The following LHFPL6 variants were observed in gnomAD, a reference collection of about 807,000 sequenced individuals.
The protein encoded by LHFPL6 is LHFPL tetraspan subfamily member 6 protein.
LHFPL6 carries 9 observed loss-of-function variants against 20.6 expected under a neutral mutation model. That is an observed-to-expected ratio of 0.44 (90% CI 0.26 to 0.76). The LOEUF (loss-of-function observed/expected upper bound fraction) is 0.76, where lower values mean the gene tolerates loss of function less well. Ranked by LOEUF, LHFPL6 falls within the 30% of genes least tolerant of loss-of-function variation. LHFPL6 has a pLI of 0.20. For synonymous variants in LHFPL6, 105 were observed against 98.7 expected (o/e 1.06, Z -0.38); for missense variants, 218 against 253.5 (o/e 0.86, Z 0.95).
intron 2 of LHFPL6, among the ~76,000 whole-genome samples, chr13:39,555,627 T>C (rs1478251587): frequency 1.3e-5 from 2 of 152,112 alleles, no homozygotes; most frequent in South Asian, 2.1e-4. Flanking sequence ...TAAACATAAG[T>C]GAAGGCAAGA....
At chr13:39,387,143 A>T (rs188539759) in intron 2 of LHFPL6, among the ~76,000 whole-genome samples, 1 of 152,340 alleles carries the variant, frequency 6.6e-6, no homozygotes, top group African/African-American at 2.4e-5. Context: ...TCACTCATTC[A>T]CAATATTTGT....
chr13:39,420,018 G>A (rs1871440607), intron 2 of LHFPL6, among the ~76,000 whole-genome samples: 1 of 152,152 alleles, frequency 6.6e-6, no homozygotes, highest in Non-Finnish European at 1.5e-5. Context: ...CAGCCTGTGT[G>A]TTCCTAGAAG....
chr13:39,568,353 G>A (rs1871796161), intron 2 of LHFPL6, among the ~76,000 whole-genome samples: 1 of 151,768 alleles, frequency 6.6e-6, no homozygotes, highest in African/African-American at 2.4e-5. Context: ...TGAATATTGG[G>A]TGAGCTTGCA....
intron 2 of LHFPL6, among the ~76,000 whole-genome samples, chr13:39,543,110 T>C (rs974890085): frequency 2.6e-5 from 4 of 152,226 alleles, no homozygotes; most frequent in Admixed American, 6.5e-5. Flanking sequence ...TGAAACCATA[T>C]GATATTTGTC....
chr13:39,458,280 C>T (rs1872615143), intron 2 of LHFPL6, among the ~76,000 whole-genome samples: 1 of 151,872 alleles, frequency 6.6e-6, no homozygotes. Context: ...CAAAACAAAG[C>T]AAAATAGTAG....
chr13:39,498,922 G>A (rs531952383), intron 2 of LHFPL6, among the ~76,000 whole-genome samples: 27 of 151,978 alleles, frequency 1.8e-4, no homozygotes, highest in African/African-American at 4.1e-4. Context: ...GTGCAGTGAC[G>A]CGATCTCAGC....
intron 2 of LHFPL6, among the ~76,000 whole-genome samples, chr13:39,453,131 T>C (rs887305298): frequency 6.6e-6 from 1 of 152,216 alleles, no homozygotes; most frequent in African/African-American, 2.4e-5. Flanking sequence ...CCGTTCTTTT[T>C]TTGGCCTTAC....
intron 2 of LHFPL6, among the ~76,000 whole-genome samples, chr13:39,519,539 G>C (rs1343306824): frequency 6.6e-6 from 1 of 152,120 alleles, no homozygotes; most frequent in Non-Finnish European, 1.5e-5. Context: ...AATTAGACCA[G>C]GGAAATGATC....
At chr13:39,423,631 G>A (rs568932983) in intron 2 of LHFPL6, among the ~76,000 whole-genome samples, 3 of 152,106 alleles carry the variant, frequency 2.0e-5, no homozygotes, top group Non-Finnish European at 4.4e-5. Flanking sequence ...ACACACAAAG[G>A]ATACATGAGA....
chr13:39,450,523 C>A (rs911557945), intron 2 of LHFPL6, among the ~76,000 whole-genome samples: 1 of 152,052 alleles, frequency 6.6e-6, no homozygotes, highest in Admixed American at 6.6e-5. Flanking sequence ...TGTGAGATAT[C>A]TACCTAGATA....
At chr13:39,420,391 A>G (rs76239288) in intron 2 of LHFPL6, among the ~76,000 whole-genome samples, 2,788 of 152,270 alleles carry the variant, frequency 0.018, 81 homozygotes, top group African/African-American at 0.063. Context: ...ATGGGGGAGA[A>G]ATAGTAAGAC....
chr13:39,511,311 C>A (rs115652457), intron 2 of LHFPL6, among the ~76,000 whole-genome samples: 2 of 151,882 alleles, frequency 1.3e-5, no homozygotes, highest in Non-Finnish European at 2.9e-5. Flanking sequence ...TAAAGTAATA[C>A]AATATTATAC....
At chr13:39,449,833 C>CAA (rs34024514) in intron 2 of LHFPL6, among the ~76,000 whole-genome samples, 7 of 133,388 alleles carry the variant, frequency 5.2e-5, no homozygotes, top group Admixed American at 1.5e-4. Flanking sequence ...CTGAAAGTAG[C>CAA]AAAAAAAAAA....
chr13:39,478,469 T>C (rs1162457429), intron 2 of LHFPL6, among the ~76,000 whole-genome samples: 1 of 152,330 alleles, frequency 6.6e-6, no homozygotes, highest in Middle Eastern at 3.4e-3. Flanking sequence ...ATGGATATAG[T>C]GTCTCTCTTA....
chr13:39,502,516 GA>G (rs1486852627), intron 2 of LHFPL6, among the ~76,000 whole-genome samples: 1 of 151,566 alleles, frequency 6.6e-6, no homozygotes, highest in African/African-American at 2.4e-5. Flanking sequence ...AGCTACTCAG[GA>G]GGCTGAGGTG....
Position 39,555,671 on chromosome 13 carries a change from A to G in LHFPL6, c.385+45161T>C, listed in dbSNP as rs192102645. ...AACAAAAATTTAAGTATTAAATTAT[A>G]CATAGCATATAACACGTTTATAAAG... On this transcript the variant is annotated intron_variant, in intron 2 of 3. Transcript: ENST00000379589. Among the ~76,000 whole-genome samples the G allele has an allele frequency of 1.8e-3, 267 of 152,358 alleles. 2 individuals carry two copies. Among genetic ancestry groups the G allele is most frequent in the Non-Finnish European group, 2.2e-4 (15 of 68,038 alleles).
chr13:39,479,847 A>G (rs1218384965), intron 2 of LHFPL6, among the ~76,000 whole-genome samples: 1 of 152,206 alleles, frequency 6.6e-6, no homozygotes, highest in Non-Finnish European at 1.5e-5. Flanking sequence ...ATCAACATTG[A>G]CAGTCTCCAA....
chr13:39,521,707 A>G (rs571681465), intron 2 of LHFPL6, among the ~76,000 whole-genome samples: 1 of 152,262 alleles, frequency 6.6e-6, no homozygotes, highest in African/African-American at 2.4e-5. Context: ...GTCACGATAA[A>G]GAGTCATTAT....
intron 2 of LHFPL6, among the ~76,000 whole-genome samples, chr13:39,526,916 G>A (rs1870308244): frequency 6.6e-6 from 1 of 152,150 alleles, no homozygotes; most frequent in South Asian, 2.1e-4. Flanking sequence ...AGAAAACTTT[G>A]ACTTGACTTA....
Sources: gnomAD v4.1 joint callset for allele counts (sites outside exome capture counted in the v4.1 genomes callset) on GRCh38, gnomAD v4.1.1 for gene constraint, MANE v1.5 for transcripts, NCBI Gene and HGNC (gene_info 2026-07-23, HGNC 2026-07-21) for gene names.